The following CAMK2D variants were observed in gnomAD, a reference collection of about 807,000 sequenced individuals.
CAMK2D encodes calcium/calmodulin-dependent protein kinase type II subunit delta.
In CAMK2D, 37 loss-of-function variants were observed where a neutral mutation model predicts 84.0. The observed-to-expected ratio is 0.44, with a 90% confidence interval of 0.34 to 0.58. CAMK2D has a LOEUF of 0.58. Ranked by LOEUF, CAMK2D falls within the 20% of genes least tolerant of loss-of-function variation. The pLI is 0.02. For missense variants in CAMK2D, 448 were observed against 652.5 expected, an observed-to-expected ratio of 0.69 and a Z score of 3.41; for synonymous variants, 202 against 212.5, an observed-to-expected ratio of 0.95 and a Z score of 0.43.
intron 2 of CAMK2D, among the ~76,000 whole-genome samples, chr4:113,730,758 C>T (rs1287869968): frequency 6.6e-6 from 1 of 152,244 alleles, no homozygotes; most frequent in Non-Finnish European, 1.5e-5. Flanking sequence ...CAACTTTCTT[C>T]CACTTGCTCA....
chr4:113,636,511 C>T (rs898969340), intron 3 of CAMK2D, among the ~76,000 whole-genome samples: 7 of 152,302 alleles, frequency 4.6e-5, no homozygotes, highest in South Asian at 2.1e-4. Flanking sequence ...ATAATCTACT[C>T]GGACTGCCAT....
chr4:113,563,825 C>T (rs2098710027), intron 4 of CAMK2D, among the ~76,000 whole-genome samples: 1 of 152,182 alleles, frequency 6.6e-6, no homozygotes, highest in Non-Finnish European at 1.5e-5. Context: ...AACTTCGGCA[C>T]AGTATCCTAT....
intron 3 of CAMK2D, among the ~76,000 whole-genome samples, chr4:113,646,662 G>A (rs564859128): frequency 6.6e-6 from 1 of 152,304 alleles, no homozygotes; most frequent in East Asian, 1.9e-4. Context: ...AGGGGTTGGA[G>A]CAGAGCAACT....
intron 2 of CAMK2D, among the ~76,000 whole-genome samples, chr4:113,668,047 T>C (rs576353582): frequency 6.6e-6 from 1 of 152,274 alleles, no homozygotes; most frequent in Admixed American, 6.5e-5. Context: ...TTATGAATTA[T>C]GATGTGAGTC....
At chr4:113,655,164 G>C (rs2099193374) in intron 3 of CAMK2D, among the ~76,000 whole-genome samples, 1 of 152,072 alleles carries the variant, frequency 6.6e-6, no homozygotes, top group African/African-American at 2.4e-5. Context: ...TACAAAGAGA[G>C]GAACTAGAAC....
intron 7 of CAMK2D, among the ~76,000 whole-genome samples, chr4:113,532,724 T>A (rs775633387): frequency 3.3e-5 from 5 of 152,310 alleles, no homozygotes; most frequent in African/African-American, 4.8e-5. Flanking sequence ...TCCTTTATCA[T>A]CCGGCTACAC....
At chr4:113,542,944 C>T (rs2098540867) in intron 6 of CAMK2D, among the ~76,000 whole-genome samples, 1 of 152,084 alleles carries the variant, frequency 6.6e-6, no homozygotes, top group African/African-American at 2.4e-5. Flanking sequence ...TGAATAGGGG[C>T]TAATAGTAAA....
At chr4:113,492,680 C>T (rs2097860660) in intron 16 of CAMK2D, among the ~76,000 whole-genome samples, 2 of 150,124 alleles carry the variant, frequency 1.3e-5, no homozygotes, top group African/African-American at 2.5e-5. Context: ...GAGCTGAGTT[C>T]AATTCCTGGT....
chr4:113,570,493 A>G lies in CAMK2D; in HGVS notation c.276-18397T>C, dbSNP rs992467366. On this transcript the variant is annotated intron_variant, in intron 4 of 20. Transcript: ENST00000511664. ...GAACTGAGAGCCTAGAAACAAATAC[A>G]TACATTTATGGTCAACTAATTTTCA... is the stretch of plus-strand genomic sequence containing the variant. Among the ~76,000 whole-genome samples the G allele has an allele frequency of 5.3e-5, 8 of 152,318 alleles. No individual in the cohort carries two copies. In the South Asian group the frequency reaches 8.3e-4, roughly 16 times the overall value.
intron 2 of CAMK2D, among the ~76,000 whole-genome samples, chr4:113,676,103 T>C (rs1340924197): frequency 6.6e-6 from 1 of 152,214 alleles, no homozygotes. Context: ...GTGGTTCTCT[T>C]TCCCCACCAC....
At chr4:113,527,928 C>T (rs917351352) in intron 8 of CAMK2D, among the ~76,000 whole-genome samples, 4 of 151,830 alleles carry the variant, frequency 2.6e-5, no homozygotes, top group Admixed American at 6.6e-5. Flanking sequence ...AAAATGTTTT[C>T]GATATAAGAA....
intron 2 of CAMK2D, among the ~76,000 whole-genome samples, chr4:113,713,761 C>A (rs1328629624): frequency 6.6e-6 from 1 of 151,432 alleles, no homozygotes; most frequent in Non-Finnish European, 1.5e-5. Flanking sequence ...TATCAATATG[C>A]AGAATTTTTG....
At chr4:113,747,965 G>A (rs1594082502) in intron 2 of CAMK2D, among the ~76,000 whole-genome samples, 3 of 152,010 alleles carry the variant, frequency 2.0e-5, no homozygotes, top group African/African-American at 4.8e-5. Context: ...TTATTGGTAC[G>A]TTCCAATATT....
intron 6 of CAMK2D, among the ~76,000 whole-genome samples, chr4:113,540,635 T>G (rs1163687910): frequency 6.6e-6 from 1 of 152,224 alleles, no homozygotes; most frequent in African/African-American, 2.4e-5. Context: ...AAATTATATC[T>G]CACAACAGTT....
chr4:113,726,201 A>G (rs1438652315), intron 2 of CAMK2D, among the ~76,000 whole-genome samples: 1 of 152,148 alleles, frequency 6.6e-6, no homozygotes, highest in Non-Finnish European at 1.5e-5. Context: ...TTAAGTATTG[A>G]AAGATGAATG....
intron 4 of CAMK2D, among the ~76,000 whole-genome samples, chr4:113,599,935 A>C (rs1376574052): frequency 6.6e-6 from 1 of 152,152 alleles, no homozygotes. Flanking sequence ...CTGTCTCAGG[A>C]ATGGCAAAGG....
intron 15 of CAMK2D, among the ~76,000 whole-genome samples, chr4:113,502,012 T>A (rs568519226): frequency 2.6e-5 from 4 of 152,280 alleles, no homozygotes; most frequent in Admixed American, 1.3e-4. Flanking sequence ...GGAAATGTGT[T>A]TTCTGAGTCT....
chr4:113,459,988 T>C (rs561908664), intron 18 of CAMK2D, among the ~76,000 whole-genome samples, 159 bp downstream of exon 18: 16 of 152,286 alleles, frequency 1.1e-4, no homozygotes, highest in African/African-American at 3.8e-4. Context: ...AAGCCTGACA[T>C]ATTTTTTTTT....
rs2097448582 is a variant in CAMK2D at position 113,465,546 on chromosome 4, C to T, written c.1194G>A (p.Gly398=). ...TEQLIEAINN[G]DFEAYTKICD... ...CTACTCACGTGTAGGCTTCAAAGTC[C>T]CCATTGTTGATAGCTTCGATCAGTT... is the stretch of plus-strand genomic sequence containing the variant. The change falls in exon 17 of 21, where the codon GGG becomes GGA. Residue 398 remains glycine (G), a synonymous_variant. Coordinates refer to ENST00000511664, the MANE Select transcript of CAMK2D (RefSeq NM_001321571.2). The T allele has an allele frequency of 3.1e-6, 5 of 1,611,128 alleles. No individual in the cohort carries two copies. The highest frequency in any genetic ancestry group is 3.4e-6 in the Non-Finnish European group (4 of 1,177,800).
Sources: gnomAD v4.1 joint callset for allele counts (sites outside exome capture counted in the v4.1 genomes callset) on GRCh38, gnomAD v4.1.1 for gene constraint, MANE v1.5 for transcripts, NCBI Gene and HGNC (gene_info 2026-07-23, HGNC 2026-07-21) for gene names.